INTS6: variants seen among roughly 807,000 people sequenced by gnomAD.
INTS6 encodes integrator complex subunit 6, also known as DEAD box protein.
A neutral mutation model predicts 104.9 loss-of-function variants in INTS6; 16 were observed. That is an observed-to-expected ratio of 0.15 (90% CI 0.10 to 0.23). The LOEUF (loss-of-function observed/expected upper bound fraction) is 0.23, where lower values mean the gene tolerates loss of function less well. Ranked by LOEUF, INTS6 falls within the 10% of genes least tolerant of loss-of-function variation. The probability of loss-of-function intolerance (pLI) is 1.00; values close to 1 mark genes in which losing one functional copy is unlikely to be tolerated. For missense variants in INTS6, 584 were observed against 1,062.8 expected (o/e 0.55, Z 6.26); for synonymous variants, 324 against 358.7 (o/e 0.90, Z 1.09).
chr13:51,436,021 T>C (rs1952678986), intron 3 of INTS6, among the ~76,000 whole-genome samples: 1 of 152,090 alleles, frequency 6.6e-6, no homozygotes, highest in African/African-American at 2.4e-5. Flanking sequence ...TTTTTATTGT[T>C]AAAATCTCAG....
intron 4 of INTS6, among the ~76,000 whole-genome samples, chr13:51,409,619 A>G (rs536279579): frequency 3.3e-5 from 5 of 152,068 alleles, no homozygotes; most frequent in Middle Eastern, 3.4e-3. Context: ...TTTTGTTACA[A>G]TGCTAATTCA....
At chr13:51,430,146 C>T (rs1371984891) in intron 4 of INTS6, 148 bp downstream of exon 4, 1 of 621,946 alleles carries the variant, frequency 1.6e-6, no homozygotes, top group Non-Finnish European at 2.8e-6. Context: ...AACACTGCTA[C>T]AAACAAAGAT....
chr13:51,370,132 G>A (rs1019491091), intron 15 of INTS6, among the ~76,000 whole-genome samples: 8 of 152,032 alleles, frequency 5.3e-5, no homozygotes, highest in African/African-American at 1.2e-4. Flanking sequence ...TCCTAAATTC[G>A]ATTCCATGAT....
intron 3 of INTS6, chr13:51,447,350 A>G (rs1463139243): frequency 1.3e-5 from 2 of 152,208 alleles, no homozygotes; most frequent in African/African-American, 4.8e-5. Flanking sequence ...AAAAAAAAGT[A>G]GTATTAGAAC....
chr13:51,361,026 T>C (rs922146595), downstream of INTS6, among the ~76,000 whole-genome samples: 4 of 152,012 alleles, frequency 2.6e-5, no homozygotes, highest in African/African-American at 7.2e-5. Flanking sequence ...TTGGGAGCGA[T>C]TACATATTTT....
rs1436042708 is a variant in INTS6 at position 51,365,082 on chromosome 13, T to C, written c.*670A>G. 6.6e-6 allele frequency: 1 copy of C among 152,490 alleles called. No individual in the cohort carries two copies. The highest frequency in any genetic ancestry group is 1.5e-5 in the Non-Finnish European group (1 of 67,960). The allele number at this position is 152,490 out of a possible 1,614,324, so 9.4% of individuals were successfully genotyped here. A position where few individuals can be genotyped will look rare whatever the true frequency, so the allele number is the denominator to read the frequency against. On this transcript the variant is annotated 3_prime_UTR_variant, in exon 18 of 18. Coordinates refer to ENST00000311234, the MANE Select transcript of INTS6 (RefSeq NM_012141.3). The stretch of plus-strand genomic sequence containing the variant: ...AAAAGGCAATGCAGATTATGTAACA[T>C]GTAATTACAGTTAGGCTTAACAAAC...
At chr13:51,389,803 A>C (rs982724241) in intron 5 of INTS6, among the ~76,000 whole-genome samples, 1 of 152,122 alleles carries the variant, frequency 6.6e-6, no homozygotes, top group African/African-American at 2.4e-5. Context: ...TATGCAATAC[A>C]ATTTATCTTT....
intron 3 of INTS6, among the ~76,000 whole-genome samples, chr13:51,433,811 A>C (rs1435625905): frequency 6.6e-6 from 1 of 152,242 alleles, no homozygotes; most frequent in African/African-American, 2.4e-5. Flanking sequence ...TCCACAGAGG[A>C]TACCCTTAAA....
intron 3 of INTS6, among the ~76,000 whole-genome samples, chr13:51,430,846 A>G (rs894593823): frequency 8.5e-5 from 13 of 152,236 alleles, no homozygotes; most frequent in Admixed American, 1.3e-4. Flanking sequence ...GTCTAAGCAA[A>G]TAACTAGGTA....
intron 10 of INTS6, among the ~76,000 whole-genome samples, chr13:51,380,151 C>G (rs1260496729): frequency 6.6e-6 from 1 of 151,582 alleles, no homozygotes; most frequent in Non-Finnish European, 1.5e-5. Context: ...TTAATCATTA[C>G]TATTATTATC....
the INTS6 span, chr13:51,347,361 T>C: frequency 2.3e-5 from 18 of 768,892 alleles, no homozygotes; most frequent in East Asian, 4.6e-4. Context: ...TCTGCTGGAC[T>C]GGGCATGCAT....
intron 5 of INTS6, among the ~76,000 whole-genome samples, chr13:51,389,926 T>C (rs921553488): frequency 6.6e-6 from 1 of 152,156 alleles, no homozygotes; most frequent in Non-Finnish European, 1.5e-5. Flanking sequence ...TAATAACTAC[T>C]TGTTTACTGG....
chr13:51,416,088 T>C (rs1357611632), intron 4 of INTS6, among the ~76,000 whole-genome samples: 3 of 152,182 alleles, frequency 2.0e-5, no homozygotes, highest in Non-Finnish European at 4.4e-5. Context: ...AGGACATTAT[T>C]AGTGATCTTA....
the INTS6 span, chr13:51,347,096 C>T: frequency 6.2e-7 from 1 of 1,609,648 alleles, no homozygotes; most frequent in Non-Finnish European, 8.5e-7. Flanking sequence ...TCAGCTTGTG[C>T]TTGTGAGCAC....
At chr13:51,335,909 TATC>T in the INTS6 span, 2 of 152,140 alleles carry the variant, frequency 1.3e-5, no homozygotes, top group Non-Finnish European at 2.9e-5. Flanking sequence ...AACAACAATG[TATC>T]TTTTTCAAAG....
At chr13:51,414,461 A>G (rs1956745602) in intron 4 of INTS6, among the ~76,000 whole-genome samples, 1 of 152,174 alleles carries the variant, frequency 6.6e-6, no homozygotes, top group Non-Finnish European at 1.5e-5. Flanking sequence ...TCAAAGAGGC[A>G]CTGTATGTGT....
chr13:51,398,574 CAATAGG>C (rs1956381081), intron 4 of INTS6, among the ~76,000 whole-genome samples: 1 of 151,872 alleles, frequency 6.6e-6, no homozygotes, highest in South Asian at 2.1e-4. Flanking sequence ...GAATATAAAG[CAATAGG>C]AACTCTCCAA....
intron 3 of INTS6, chr13:51,444,647 G>GAGTAGCTC (rs1478657668): frequency 1.3e-5 from 2 of 151,870 alleles, no homozygotes; most frequent in African/African-American, 4.8e-5. Flanking sequence ...TACTCAGGAG[G>GAGTAGCTC]CTGAAGCAGG....
At position 51,391,948 on chromosome 13, in the gene INTS6, T is replaced by C. The variant is rs549182084; in HGVS notation, c.614-2504A>G. ...AAACCTGCTTCTCCCCAGTGTACCATCTCAGTCCTTGGCACAGCCATCCAT... is the reference window on the plus strand; with the variant it reads ...AAACCTGCTTCTCCCCAGTGTACCACCTCAGTCCTTGGCACAGCCATCCAT... On this transcript the variant is annotated intron_variant, in intron 5 of 17. Transcript: ENST00000311234. 1.6e-4 allele frequency among the ~76,000 whole-genome samples: 24 copies of C among 152,328 alleles called. No homozygotes were observed. The South Asian group carries it at 4.6e-3, about 29-fold the overall frequency.
Sources: gnomAD v4.1 joint callset for allele counts (sites outside exome capture counted in the v4.1 genomes callset) on GRCh38, gnomAD v4.1.1 for gene constraint, MANE v1.5 for transcripts, NCBI Gene and HGNC (gene_info 2026-07-23, HGNC 2026-07-21) for gene names.